The following KCNMB4 variants were observed in gnomAD, a reference collection of about 807,000 sequenced individuals.
KCNMB4 encodes the protein potassium calcium-activated channel subfamily M regulatory beta subunit 4.
Under a neutral mutation model 20.7 loss-of-function variants are expected in KCNMB4, and 3 were observed. That is an observed-to-expected ratio of 0.14 (90% CI 0.07 to 0.37). The LOEUF (loss-of-function observed/expected upper bound fraction) is 0.37, where lower values mean the gene tolerates loss of function less well. KCNMB4 is among the 10% of genes least tolerant of loss of function. The pLI, the probability that KCNMB4 is intolerant of heterozygous loss-of-function variation, is 1.00. For synonymous variants in KCNMB4, 110 were observed against 113.4 expected, an observed-to-expected ratio of 0.97 and a Z score of 0.19; for missense variants, 168 against 265.9, an observed-to-expected ratio of 0.63 and a Z score of 2.56.
At chr12:70,421,218 A>G (rs1328048027) in intron 2 of KCNMB4, among the ~76,000 whole-genome samples, 1 of 152,012 alleles carries the variant, frequency 6.6e-6, no homozygotes, top group African/African-American at 2.4e-5. Context: ...CCAGCTGAGT[A>G]TGGTCGCTCA....
chr12:70,377,296 G>T (rs1029137958), intron 1 of KCNMB4, among the ~76,000 whole-genome samples: 2 of 152,152 alleles, frequency 1.3e-5, no homozygotes, highest in Non-Finnish European at 2.9e-5. Context: ...TTTGGTTCCA[G>T]ACCACTTCAA....
intron 1 of KCNMB4, among the ~76,000 whole-genome samples, chr12:70,376,163 A>T (rs1355415917): frequency 4.7e-5 from 7 of 149,660 alleles, no homozygotes; most frequent in Admixed American, 4.1e-4. Context: ...AAAAAAAAAA[A>T]AACCAACAAA....
rs900664432 is a variant in KCNMB4, at chr12:70,432,131, G to A, written c.*1478G>A. 6.7e-6 allele frequency: 1 copy of A among 150,142 alleles called. No individual in the cohort carries two copies. Among genetic ancestry groups the A allele is most frequent in the Non-Finnish European group, 1.5e-5 (1 of 67,906 alleles). 9.3% of individuals were successfully genotyped at this position (150,142 alleles called of 1,614,324 possible). Reference sequence around the variant, plus strand: ...TACAGTCTCCACCTCCTGGGTTCAAGTCATTCCTCTGCCTCAGCCTCCCGA... The same window carrying A: ...TACAGTCTCCACCTCCTGGGTTCAAATCATTCCTCTGCCTCAGCCTCCCGA... On this transcript the variant is annotated 3_prime_UTR_variant, in exon 3 of 3. Transcript: ENST00000258111.
At chr12:70,399,008 G>A (rs1293068233) in intron 1 of KCNMB4, among the ~76,000 whole-genome samples, 3 of 152,210 alleles carry the variant, frequency 2.0e-5, no homozygotes, top group African/African-American at 7.2e-5. Context: ...ATTAAAAGGA[G>A]AGAGAACAGC....
At chr12:70,423,038 A>G (rs1869108717) in intron 2 of KCNMB4, among the ~76,000 whole-genome samples, 1 of 152,330 alleles carries the variant, frequency 6.6e-6, no homozygotes, top group East Asian at 1.9e-4. Context: ...ATGCTGTTAA[A>G]TGATAGTTTG....
intron 1 of KCNMB4, among the ~76,000 whole-genome samples, chr12:70,375,429 G>A (rs1284349058): frequency 6.6e-6 from 1 of 151,028 alleles, no homozygotes; most frequent in African/African-American, 2.4e-5. Context: ...GAGGCCAGGA[G>A]TTCAAGACCA....
At chr12:70,401,375 A>G (rs1868445477) in intron 2 of KCNMB4, among the ~76,000 whole-genome samples, 3 of 145,366 alleles carry the variant, frequency 2.1e-5, no homozygotes, top group South Asian at 4.2e-4. Context: ...CCTCCCCACT[A>G]TCACTGTCTT....
intron 1 of KCNMB4, among the ~76,000 whole-genome samples, chr12:70,382,777 C>T (rs1395776040): frequency 2.0e-5 from 3 of 152,080 alleles, no homozygotes; most frequent in African/African-American, 4.8e-5. Flanking sequence ...CATGAACATG[C>T]GTAGGCAGTT....
rs1364093486 is a variant in KCNMB4, at chr12:70,433,626, A to T, written c.*2973A>T. The T allele has an allele frequency of 6.6e-6, 1 of 152,260 alleles. No homozygotes were observed. The highest frequency in any genetic ancestry group is 2.4e-5 in the African/African-American group (1 of 41,470). 9.4% of individuals were successfully genotyped at this position (152,260 alleles called of 1,614,324 possible). On this transcript the variant is annotated 3_prime_UTR_variant, in exon 3 of 3. Coordinates refer to ENST00000258111, the MANE Select transcript of KCNMB4 (RefSeq NM_014505.6). ...ACTCCAGGGAAAGGGTTCTATTACT[A>T]AAGCTAAAAAGAGGGGAATGAATAC...
At chr12:70,383,897 T>C (rs1189075509) in intron 1 of KCNMB4, among the ~76,000 whole-genome samples, 3 of 152,154 alleles carry the variant, frequency 2.0e-5, no homozygotes, top group Non-Finnish European at 4.4e-5. Flanking sequence ...GGTGAAACCC[T>C]GTCTCTCCTA....
rs556220560 is a variant in KCNMB4 at position 70,387,106 on chromosome 12, GT to G, written c.337-13093del. Among the ~76,000 whole-genome samples, 35 of 146,728 alleles carry G rather than the reference GT, an allele frequency of 2.4e-4. No homozygotes were observed. In the South Asian group the frequency reaches 2.8e-3, roughly 12 times the overall value. On this transcript the variant is annotated intron_variant, in intron 1 of 2. Coordinates refer to ENST00000258111, the MANE Select transcript of KCNMB4 (RefSeq NM_014505.6). ...GTGTCTATTATGCTTTATTTTTGTT[GT>G]TTTTTTTTTGAAGGGAAACAAAGCT...
At chr12:70,415,188 C>A (rs1285301724) in intron 2 of KCNMB4, among the ~76,000 whole-genome samples, 1 of 152,204 alleles carries the variant, frequency 6.6e-6, no homozygotes, top group Non-Finnish European at 1.5e-5. Context: ...CATGAGGGAA[C>A]TGGAACACAG....
At chr12:70,393,665 A>T (rs1868323154) in intron 1 of KCNMB4, among the ~76,000 whole-genome samples, 1 of 152,224 alleles carries the variant, frequency 6.6e-6, no homozygotes. Flanking sequence ...ATATCAACAT[A>T]TGATAGTAAA....
chr12:70,409,003 G>A (rs1219640518), intron 2 of KCNMB4, among the ~76,000 whole-genome samples: 1 of 152,102 alleles, frequency 6.6e-6, no homozygotes, highest in African/African-American at 2.4e-5. Flanking sequence ...CTTGAAGAGG[G>A]CTTGTCCCTT....
At chr12:70,424,010 G>A (rs1327375650) in intron 2 of KCNMB4, among the ~76,000 whole-genome samples, 2 of 152,200 alleles carry the variant, frequency 1.3e-5, no homozygotes, top group Middle Eastern at 3.2e-3. Context: ...CTTCACAGTA[G>A]TATATAAGAA....
chr12:70,366,956 C>T lies in KCNMB4; in HGVS notation c.222C>T (p.Ala74=). 1 of 1,610,432 alleles carries T rather than the reference C, an allele frequency of 6.2e-7. No homozygotes were observed. The highest frequency in any genetic ancestry group is 8.5e-7 in the Non-Finnish European group (1 of 1,178,396). ...EVFECTFTCG[A]DCRGTSQYPC... ...TCGAGTGCACCTTCACCTGTGGCGC[C>T]GACTGCAGGGGCACCTCGCAGTACC... is the stretch of plus-strand genomic sequence containing the variant. Residue 74 remains alanine (A), a synonymous_variant, in exon 1 of 3, where the codon GCC becomes GCT. Coordinates refer to ENST00000258111, the MANE Select transcript of KCNMB4 (RefSeq NM_014505.6).
intron 2 of KCNMB4, among the ~76,000 whole-genome samples, chr12:70,421,779 C>T (rs1869068160): frequency 6.6e-6 from 1 of 151,630 alleles, no homozygotes; most frequent in African/African-American, 2.4e-5. Flanking sequence ...GACGAGGTTT[C>T]ACTATGTTAG....
At chr12:70,382,536 A>G (rs1310564013) in intron 1 of KCNMB4, among the ~76,000 whole-genome samples, 1 of 152,004 alleles carries the variant, frequency 6.6e-6, no homozygotes, top group African/African-American at 2.4e-5. Context: ...AATATTGTAT[A>G]TATGGGGTGG....
At chr12:70,397,942 G>C (rs1017590860) in intron 1 of KCNMB4, among the ~76,000 whole-genome samples, 3 of 152,156 alleles carry the variant, frequency 2.0e-5, no homozygotes, top group African/African-American at 7.2e-5. Context: ...TCGTAGAAGA[G>C]CACAATAAAT....
Sources: allele counts gnomAD v4.1 joint callset (sites outside exome capture counted in the v4.1 genomes callset), GRCh38; gene constraint gnomAD v4.1.1; transcripts MANE v1.5; gene names NCBI Gene and HGNC (gene_info 2026-07-23, HGNC 2026-07-21).